The following PPFIA2 variants were observed in gnomAD, a reference collection of about 807,000 sequenced individuals.
The protein encoded by PPFIA2 is liprin-alpha-2.
Under a neutral mutation model 175.5 loss-of-function variants are expected in PPFIA2, and 46 were observed. The observed-to-expected ratio is 0.26, with a 90% CI of 0.21 to 0.34. The LOEUF (loss-of-function observed/expected upper bound fraction) is 0.34, where lower values mean the gene tolerates loss of function less well. PPFIA2 is among the 10% of genes least tolerant of loss of function. The probability of loss-of-function intolerance (pLI) is 1.00; values close to 1 mark genes in which losing one functional copy is unlikely to be tolerated. For missense variants in PPFIA2, 1,179 were observed against 1,506.1 expected, an observed-to-expected ratio of 0.78 and a Z score of 3.60; for synonymous variants, 568 against 511.4, an observed-to-expected ratio of 1.11 and a Z score of -1.49.
rs2062982367 is a variant in PPFIA2 at position 81,628,413 on chromosome 12, G to C, written c.303+48378C>G. Among the ~76,000 whole-genome samples the C allele has an allele frequency of 3.5e-5, 4 of 114,036 alleles. No homozygotes were observed. In the Admixed American group the frequency reaches 5.1e-4, roughly 15 times the overall value. The allele number at this position is 114,036 out of a possible 152,430, so 74.8% of individuals were successfully genotyped here. ...TTTTTTTTTTGATATGGCTCACTCT[G>C]TCACCCAGGCTGGAGTGCAGTGGCG... On this transcript the variant is annotated intron_variant, in intron 4 of 32. Transcript: ENST00000549396.
At chr12:81,617,932 GAGA>G (rs1447559957) in intron 4 of PPFIA2, among the ~76,000 whole-genome samples, 1 of 152,190 alleles carries the variant, frequency 6.6e-6, no homozygotes, top group Non-Finnish European at 1.5e-5. Flanking sequence ...AAAGGAAAAT[GAGA>G]AGAAGTAGAG....
chr12:81,620,159 C>CAAAAA (rs376856927), intron 4 of PPFIA2, among the ~76,000 whole-genome samples: 19 of 54,476 alleles, frequency 3.5e-4, no homozygotes, highest in East Asian at 1.4e-3. Flanking sequence ...CACTCCTTCT[C>CAAAAA]AAAAAAAAAA....
chr12:81,684,951 C>T (rs1441392602), intron 3 of PPFIA2, among the ~76,000 whole-genome samples: 1 of 151,950 alleles, frequency 6.6e-6, no homozygotes, highest in Non-Finnish European at 1.5e-5. Context: ...GCCAATGCTT[C>T]CAATTAAAGG....
At chr12:81,278,681 G>C (rs2041250607) in intron 27 of PPFIA2, among the ~76,000 whole-genome samples, 1 of 152,162 alleles carries the variant, frequency 6.6e-6, no homozygotes, top group African/African-American at 2.4e-5. Context: ...CCATGAGCTT[G>C]AAAGGAAAAT....
intron 6 of PPFIA2, among the ~76,000 whole-genome samples, chr12:81,440,335 T>C (rs1056744141): frequency 1.3e-5 from 2 of 152,104 alleles, no homozygotes; most frequent in African/African-American, 2.4e-5. Context: ...TTCTGATTCA[T>C]AGTAAGTGGA....
intron 4 of PPFIA2, among the ~76,000 whole-genome samples, chr12:81,562,736 A>G (rs1264863291): frequency 2.0e-5 from 3 of 146,730 alleles, no homozygotes; most frequent in Non-Finnish European, 4.5e-5. Context: ...AGTCCCAGCT[A>G]CTTGGGAGGC....
chr12:81,440,663 T>C (rs1335055682), intron 6 of PPFIA2, among the ~76,000 whole-genome samples: 2 of 151,976 alleles, frequency 1.3e-5, no homozygotes, highest in Non-Finnish European at 2.9e-5. Context: ...TTGTATTTTA[T>C]AGAACAAAAA....
chr12:81,663,864 G>A (rs544231908), intron 4 of PPFIA2, among the ~76,000 whole-genome samples: 7 of 152,240 alleles, frequency 4.6e-5, no homozygotes, highest in African/African-American at 1.4e-4. Context: ...GAACAGAATA[G>A]AGCCCTCAGA....
intron 4 of PPFIA2, among the ~76,000 whole-genome samples, chr12:81,675,318 C>T (rs1424544678): frequency 6.6e-6 from 1 of 151,806 alleles, no homozygotes; most frequent in Non-Finnish European, 1.5e-5. Flanking sequence ...CTTCAGGATA[C>T]CATTTTTCCT....
In PPFIA2 at chr12:81,729,537, C is replaced by T. The variant is rs114256937; in HGVS notation, c.249+24436G>A. The stretch of plus-strand genomic sequence containing the variant: ...ATATTTTTAAAAGTAGCCTCAAGTG[C>T]GGTAAACAGAACAGCCCCCCAAGGA... On this transcript the variant is annotated intron_variant, in intron 3 of 32. Transcript: ENST00000549396. 1.7e-3 allele frequency among the ~76,000 whole-genome samples: 254 copies of T among 151,580 alleles called. 2 individuals carry two copies. The highest frequency in any genetic ancestry group is 6.8e-3 in the Middle Eastern group (2 of 294).
intron 3 of PPFIA2, among the ~76,000 whole-genome samples, chr12:81,702,621 C>T: frequency 6.6e-6 from 1 of 152,084 alleles, no homozygotes; most frequent in East Asian, 1.9e-4. Flanking sequence ...TCCAATGACA[C>T]TAGGCTCTTT....
intron 20 of PPFIA2, 38 bp downstream of exon 20, chr12:81,341,040 G>A: frequency 6.5e-7 from 1 of 1,537,272 alleles, no homozygotes; most frequent in Non-Finnish European, 8.9e-7. Flanking sequence ...TTTTTGGAAG[G>A]AGGGCATTCA....
At chr12:81,460,964 T>C (rs1301761397) in intron 4 of PPFIA2, among the ~76,000 whole-genome samples, 2 of 152,038 alleles carry the variant, frequency 1.3e-5, no homozygotes, top group Non-Finnish European at 2.9e-5. Flanking sequence ...GTTGTTTGTT[T>C]CCCCTGACCA....
chr12:81,457,142 C>G (rs907449983), intron 5 of PPFIA2, among the ~76,000 whole-genome samples: 1 of 151,912 alleles, frequency 6.6e-6, no homozygotes, highest in African/African-American at 2.4e-5. Flanking sequence ...TGCCACCAAG[C>G]CTGGCTGACT....
chr12:81,302,782 A>G (rs2048189050), intron 22 of PPFIA2: 1 of 404,194 alleles, frequency 2.5e-6, no homozygotes, highest in Non-Finnish European at 5.0e-6. Flanking sequence ...TTTTAATTAT[A>G]AAATAATCGG....
rs1448547072 is a variant in PPFIA2, at chr12:81,367,107, C to T, written c.1545+1G>A. The stretch of plus-strand genomic sequence containing the variant: ...GCCCAAAACATAAGTTTCCATTATA[C>T]CTTATCATGTAAAGATTCTTCAAGA... On this transcript the variant is annotated splice_donor_variant, in intron 14 of 32. Coordinates refer to ENST00000549396, the MANE Select transcript of PPFIA2 (RefSeq NM_003625.5). LOFTEE classifies it high-confidence loss of function. 3 of 1,456,902 alleles carry T rather than the reference C, an allele frequency of 2.1e-6. No homozygotes were observed. The highest frequency in any genetic ancestry group is 1.5e-5 in the African/African-American group (1 of 68,830). The allele number at this position is 1,456,902 out of a possible 1,614,324, so 90.2% of individuals were successfully genotyped here.
intron 2 of PPFIA2, among the ~76,000 whole-genome samples, chr12:81,756,654 G>A (rs1487315146): frequency 6.6e-6 from 1 of 151,946 alleles, no homozygotes; most frequent in Non-Finnish European, 1.5e-5. Context: ...ATGAAAGAGG[G>A]CCAATAATCT....
intron 4 of PPFIA2, among the ~76,000 whole-genome samples, chr12:81,635,873 TA>T (rs1310642763): frequency 6.6e-6 from 1 of 152,042 alleles, no homozygotes; most frequent in Non-Finnish European, 1.5e-5. Context: ...ACATGTGGAA[TA>T]AGAGATACTA....
At chr12:81,475,861 G>A (rs2057404111) in intron 4 of PPFIA2, among the ~76,000 whole-genome samples, 5 of 152,056 alleles carry the variant, frequency 3.3e-5, no homozygotes, top group African/African-American at 1.2e-4. Flanking sequence ...ACAGGTGCCC[G>A]CCACCAAGGC....
Sources: allele counts gnomAD v4.1 joint callset (sites outside exome capture counted in the v4.1 genomes callset), GRCh38; gene constraint gnomAD v4.1.1; transcripts MANE v1.5; gene names NCBI Gene and HGNC (gene_info 2026-07-23, HGNC 2026-07-21).